GPAM: variants seen among roughly 807,000 people sequenced by gnomAD.
GPAM encodes the protein glycerol-3-phosphate acyltransferase, mitochondrial.
A neutral mutation model predicts 105.0 loss-of-function variants in GPAM; 56 were observed. The ratio of observed to expected loss-of-function variants is 0.53; its 90% CI spans 0.43 to 0.67. The LOEUF is 0.67. GPAM is among the 30% of genes least tolerant of loss of function. GPAM has a pLI of 0.00. For synonymous variants in GPAM, 368 were observed against 354.4 expected, an observed-to-expected ratio of 1.04 and a Z score of -0.43; for missense variants, 855 against 989.8, an observed-to-expected ratio of 0.86 and a Z score of 1.83.
chr10:112,200,167 A>AATATATATATATATATATAT (rs10528337), intron 1 of GPAM, among the ~76,000 whole-genome samples: 2 of 87,202 alleles, frequency 2.3e-5, no homozygotes, highest in African/African-American at 3.3e-5. Flanking sequence ...TTGTAAAGGA[A>AATATATATATATATATATAT]ATATATATAT....
intron 1 of GPAM, among the ~76,000 whole-genome samples, chr10:112,198,818 T>C (rs768370179): frequency 2.0e-5 from 3 of 152,194 alleles, no homozygotes; most frequent in Non-Finnish European, 4.4e-5. Context: ...ATGGTGTATA[T>C]ACACAACGGA....
intron 18 of GPAM, 25 bp from the exon 19 acceptor site, chr10:112,157,414 T>C: frequency 6.2e-7 from 1 of 1,610,396 alleles, no homozygotes; most frequent in South Asian, 1.1e-5. Context: ...TGATGGATAG[T>C]AAATAAATAT....
intron 1 of GPAM, among the ~76,000 whole-genome samples, chr10:112,196,036 G>C (rs1024013962): frequency 6.6e-6 from 1 of 152,116 alleles, no homozygotes. Flanking sequence ...TCCAGTGTAG[G>C]GGGTGGTCTA....
At chr10:112,185,995 C>T (rs985703318), upstream of GPAM, among the ~76,000 whole-genome samples, 1 of 151,916 alleles carries the variant, frequency 6.6e-6, no homozygotes, top group African/African-American at 2.4e-5. Context: ...GAAAACTTTC[C>T]AAATTTGACC....
intron 19 of GPAM, chr10:112,156,365 T>C (rs1469712725): frequency 2.8e-6 from 1 of 351,090 alleles, no homozygotes; most frequent in Non-Finnish European, 5.4e-6. Flanking sequence ...TCACTAAAAA[T>C]AGCCGCTCCT....
rs1847351151 is a variant in GPAM at position 112,173,599 on chromosome 10, T to G, written c.560+100A>C. ...TATCAGGATTCATTAAAACATCTTTTGGACAAAGAGAACTGTGCTAGGAAA... is the reference window on the plus strand; with the variant it reads ...TATCAGGATTCATTAAAACATCTTTGGGACAAAGAGAACTGTGCTAGGAAA... On this transcript the variant is annotated intron_variant, in intron 7 of 21. Coordinates refer to ENST00000348367, the MANE Select transcript of GPAM (RefSeq NM_001244949.2). 31 of 1,132,038 alleles carry G rather than the reference T, an allele frequency of 2.7e-5. No homozygotes were observed. The South Asian group carries it at 3.8e-4, about 14-fold the overall frequency. The allele number at this position is 1,132,038 out of a possible 1,614,324, so 70.1% of individuals were successfully genotyped here. A position where few individuals can be genotyped will look rare whatever the true frequency, so the allele number is the denominator to read the frequency against.
At position 112,150,323 on chromosome 10, in the gene GPAM, C is replaced by T; in HGVS notation, c.*3227G>A. The T allele has an allele frequency of 1.0e-6, 1 of 985,000 alleles. No individual in the cohort carries two copies. The highest frequency in any genetic ancestry group is 1.2e-6 in the Non-Finnish European group (1 of 829,204). The allele number at this position is 985,000 out of a possible 1,614,324, so 61.0% of individuals were successfully genotyped here. On this transcript the variant is annotated 3_prime_UTR_variant, in exon 22 of 22. Transcript: ENST00000348367. ...ACTTTCTTCTAGATCTGAATTAAAA[C>T]CTTATTTACCCCAATTCATCCATGT...
chr10:112,177,053 C>T (rs760548427), intron 5 of GPAM, among the ~76,000 whole-genome samples: 14 of 152,088 alleles, frequency 9.2e-5, no homozygotes, highest in African/African-American at 1.2e-4. Context: ...AAAAATTCAA[C>T]GGACCAAAGT....
intron 11 of GPAM, 55 bp from the exon 12 acceptor site, chr10:112,166,570 A>G (rs1371429270): frequency 2.2e-6 from 2 of 916,288 alleles, no homozygotes; most frequent in African/African-American, 1.6e-5. Context: ...CACATACACA[A>G]ACATTCTATT....
At chr10:112,198,999 T>C (rs1564689337) in intron 1 of GPAM, among the ~76,000 whole-genome samples, 1 of 151,752 alleles carries the variant, frequency 6.6e-6, no homozygotes, top group Non-Finnish European at 1.5e-5. Flanking sequence ...CTCGGCTCAC[T>C]GCATCCTCCG....
At chr10:112,194,677 G>A (rs1220228714) in intron 1 of GPAM, among the ~76,000 whole-genome samples, 3 of 152,132 alleles carry the variant, frequency 2.0e-5, no homozygotes, top group Non-Finnish European at 2.9e-5. Context: ...ATAACCTGAC[G>A]GCAGATTATT....
intron 20 of GPAM, 32 bp downstream of exon 20, chr10:112,155,832 A>AG: frequency 7.9e-7 from 1 of 1,269,468 alleles, no homozygotes; most frequent in Non-Finnish European, 1.1e-6. Context: ...AAAAAAAAAG[A>AG]TTTTAAAAGA....
intron 19 of GPAM, 104 bp downstream of exon 19, chr10:112,157,145 G>A: frequency 9.9e-7 from 1 of 1,008,430 alleles, no homozygotes; most frequent in Non-Finnish European, 1.6e-6. Flanking sequence ...CTAGTTGGGG[G>A]ATTCTTTAGA....
chr10:112,155,509 G>C (rs1847000571), intron 20 of GPAM: 1 of 279,124 alleles, frequency 3.6e-6, no homozygotes. Context: ...TATGCTCATA[G>C]CAACACTGTT....
At chr10:112,187,419 A>G (rs1847608791), upstream of GPAM, among the ~76,000 whole-genome samples, 1 of 152,196 alleles carries the variant, frequency 6.6e-6, no homozygotes, top group African/African-American at 2.4e-5. Flanking sequence ...TGGGTATATT[A>G]ATATCATATA....
chr10:112,207,221 A>G (rs983472555), intron 1 of GPAM, among the ~76,000 whole-genome samples: 3 of 152,192 alleles, frequency 2.0e-5, no homozygotes, highest in African/African-American at 7.2e-5. Flanking sequence ...TAAACTTCCT[A>G]TGATGTACGG....
In GPAM at chr10:112,163,784, G is replaced by A. The variant is rs185462411; in HGVS notation, c.1340C>T (p.Thr447Met). The A allele has an allele frequency of 2.3e-5, 36 of 1,599,284 alleles. 1 individual carries two copies. In the East Asian group the frequency reaches 2.5e-4, roughly 11 times the overall value. ...PSDAADEGRD[T>M]SINESRNATD... ...TGCATTTCTGGACTCATTAATGGAC[G>A]TGTCTCTACCTTCATCAGCAGCATC... Residue 447 changes from threonine to methionine, a missense_variant, in exon 14 of 22, where the codon ACG becomes ATG. By Grantham distance (81) the Thr-to-Met change is moderately conservative. Coordinates refer to ENST00000348367, the MANE Select transcript of GPAM (RefSeq NM_001244949.2).
chr10:112,168,816 C>T (rs550567670), intron 10 of GPAM, 37 bp downstream of exon 10: 3 of 1,283,992 alleles, frequency 2.3e-6, no homozygotes, highest in African/African-American at 1.5e-5. Context: ...TGATAACCAA[C>T]ACAATGTCCC....
chr10:112,182,440 T>C (rs1051923231), intron 2 of GPAM, among the ~76,000 whole-genome samples: 1 of 152,216 alleles, frequency 6.6e-6, no homozygotes, highest in Non-Finnish European at 1.5e-5. Flanking sequence ...ATGTATAAGT[T>C]TTCATCCTTT....
Sources: allele counts gnomAD v4.1 joint callset (sites outside exome capture counted in the v4.1 genomes callset), GRCh38; gene constraint gnomAD v4.1.1; transcripts MANE v1.5; gene names NCBI Gene and HGNC (gene_info 2026-07-23, HGNC 2026-07-21).